GSE1: variants seen among roughly 807,000 people sequenced by gnomAD.
GSE1 encodes Gse1 coiled-coil protein.
Under a neutral mutation model 112.6 loss-of-function variants are expected in GSE1, and 32 were observed. The observed-to-expected ratio is 0.28, with a 90% CI of 0.21 to 0.38. GSE1 has a LOEUF of 0.38. Among genes scored for constraint, GSE1 ranks in the 10% least tolerant of loss-of-function variants. GSE1 has a pLI of 1.00. For synonymous variants in GSE1, 1,115 were observed against 735.6 expected (o/e 1.52, Z -8.35); for missense variants, 2,348 against 1,699.2 (o/e 1.38, Z -6.71).
intron 1 of GSE1, among the ~76,000 whole-genome samples, chr16:85,177,046 C>T (rs1392456862): frequency 6.6e-6 from 1 of 152,226 alleles, no homozygotes; most frequent in Non-Finnish European, 1.5e-5. Context: ...AGTGGCCAGG[C>T]CCTTCTCAAA....
chr16:85,486,386 C>T (rs1369283165), intron 2 of GSE1, among the ~76,000 whole-genome samples: 1 of 152,242 alleles, frequency 6.6e-6, no homozygotes, highest in East Asian at 1.9e-4. Flanking sequence ...AGGGACCCTC[C>T]CCTGTTCTCC....
intron 1 of GSE1, among the ~76,000 whole-genome samples, chr16:85,266,128 G>A (rs1261551559): frequency 6.6e-6 from 1 of 152,118 alleles, no homozygotes; most frequent in Non-Finnish European, 1.5e-5. Context: ...GGGAGGTGGG[G>A]GAGCGCCCCA....
intron 1 of GSE1, among the ~76,000 whole-genome samples, chr16:85,562,364 C>G (rs779496711): frequency 1.1e-4 from 17 of 152,204 alleles, no homozygotes; most frequent in Admixed American, 5.2e-4. Context: ...TCCCACCCCC[C>G]CTGCCCAATT....
intron 1 of GSE1, among the ~76,000 whole-genome samples, chr16:85,236,830 C>A (rs940927557): frequency 1.3e-5 from 2 of 152,126 alleles, no homozygotes; most frequent in African/African-American, 4.8e-5. Flanking sequence ...ACCTACAAGG[C>A]CCCCTGGGAC....
At chr16:85,515,475 T>G (rs1456842433) in intron 2 of GSE1, among the ~76,000 whole-genome samples, 3 of 152,140 alleles carry the variant, frequency 2.0e-5, no homozygotes, top group Non-Finnish European at 4.4e-5. Context: ...TGATGAGATC[T>G]GGCAGCGGGT....
chr16:85,223,303 ATT>A (rs1230820460), intron 1 of GSE1, among the ~76,000 whole-genome samples: 2 of 152,188 alleles, frequency 1.3e-5, no homozygotes, highest in African/African-American at 4.8e-5. Context: ...CGCGTGGATC[ATT>A]TGAGGTCAGG....
intron 2 of GSE1, among the ~76,000 whole-genome samples, chr16:85,446,926 C>T (rs1044989813): frequency 6.6e-6 from 1 of 152,156 alleles, no homozygotes; most frequent in Non-Finnish European, 1.5e-5. Flanking sequence ...TCCTCCTGCT[C>T]TGTGTGCCTG....
intron 1 of GSE1, among the ~76,000 whole-genome samples, chr16:85,252,693 A>G (rs1906619228): frequency 6.6e-6 from 1 of 152,214 alleles, no homozygotes; most frequent in South Asian, 2.1e-4. Flanking sequence ...TGGGGACGGC[A>G]CAGCAAAGCT....
intron 1 of GSE1, among the ~76,000 whole-genome samples, chr16:85,277,202 T>C (rs1181750109): frequency 6.6e-6 from 1 of 151,250 alleles, no homozygotes; most frequent in African/African-American, 2.4e-5. Flanking sequence ...GAGGTGGCGG[T>C]GGGGGTGGGG....
chr16:85,540,839 T>C (rs560596182), intron 2 of GSE1, among the ~76,000 whole-genome samples: 5 of 152,066 alleles, frequency 3.3e-5, no homozygotes, highest in Non-Finnish European at 7.4e-5. Context: ...CCCAGGAGTT[T>C]GAGGCTGCAG....
At chr16:85,542,722 G>A (rs1053376448) in intron 2 of GSE1, among the ~76,000 whole-genome samples, 2 of 152,222 alleles carry the variant, frequency 1.3e-5, no homozygotes, top group African/African-American at 4.8e-5. Flanking sequence ...CCGGGGGACT[G>A]TCCACACAGC....
intron 1 of GSE1, among the ~76,000 whole-genome samples, chr16:85,322,403 C>G (rs749807847): frequency 1.3e-5 from 2 of 152,136 alleles, no homozygotes; most frequent in African/African-American, 4.8e-5. Flanking sequence ...ACTGTTTGCA[C>G]TTTCAAACCT....
At chr16:85,354,107 C>T (rs369255071) in intron 1 of GSE1, among the ~76,000 whole-genome samples, 8 of 152,332 alleles carry the variant, frequency 5.3e-5, no homozygotes, top group African/African-American at 1.2e-4. Context: ...GAAGCCCGTG[C>T]GGATTTCCTC....
intron 1 of GSE1, among the ~76,000 whole-genome samples, chr16:85,579,572 C>T (rs376577621): frequency 3.6e-4 from 55 of 152,312 alleles, no homozygotes; most frequent in African/African-American, 1.3e-3. Context: ...CCAGGGCCAG[C>T]AGGGTCGATC....
chr16:85,255,022 C>T (rs1034445708), intron 1 of GSE1, among the ~76,000 whole-genome samples: 14 of 152,216 alleles, frequency 9.2e-5, no homozygotes, highest in Non-Finnish European at 1.9e-4. Flanking sequence ...CTGCCGCGGG[C>T]GGTCTCTGCA....
rs567301228 is a variant in GSE1 at position 85,221,991 on chromosome 16, C to T, written c.2283+50184C>T. Among the ~76,000 whole-genome samples, 39 of 152,292 alleles carry T rather than the reference C, an allele frequency of 2.6e-4. No homozygotes were observed. The East Asian group carries it at 6.8e-3, about 26-fold the overall frequency. On this transcript the variant is annotated intron_variant, in intron 1 of 2. Coordinates refer to the GSE1 transcript ENST00000637419. ...CCAGGTGGGCTGGCCTCAGGGAGGG[C>T]CGGGGAGGCCCACAGCAGCCTGGTA...
intron 14 of GSE1, among the ~76,000 whole-genome samples, chr16:85,670,379 GA>G (rs1400762679): frequency 6.6e-6 from 1 of 151,890 alleles, no homozygotes; most frequent in Non-Finnish European, 1.5e-5. Context: ...TTCATCCTTT[GA>G]TTTTTTTTTT....
At chr16:85,320,468 G>GTTTTGTTTTGT (rs965789175) in intron 1 of GSE1, among the ~76,000 whole-genome samples, 11 of 151,896 alleles carry the variant, frequency 7.2e-5, no homozygotes, top group East Asian at 3.9e-4. Flanking sequence ...GTTTTGTTTT[G>GTTTTGTTTTGT]TTTTTTTGTA....
Position 85,633,906 on chromosome 16 carries a change from T to C in GSE1, c.8-8T>C, listed in dbSNP as rs369127760. 1.4e-5 allele frequency: 23 copies of C among 1,604,990 alleles called. No homozygotes were observed. Among genetic ancestry groups the C allele is most frequent in the Non-Finnish European group, 2.0e-5 (23 of 1,175,274 alleles). ...GGGTGACCTCTGGTTCTTCTTTTCC[T>C]GTTTCAGGCATGAGCCATGAGCCCA... On this transcript the variant is annotated splice_polypyrimidine_tract_variant and splice_region_variant and intron_variant, in intron 1 of 15. Coordinates refer to ENST00000253458, the MANE Select transcript of GSE1 (RefSeq NM_014615.5).
Sources: allele counts gnomAD v4.1 joint callset (sites outside exome capture counted in the v4.1 genomes callset), GRCh38; gene constraint gnomAD v4.1.1; transcripts MANE v1.5; gene names NCBI Gene and HGNC (gene_info 2026-07-23, HGNC 2026-07-21).